EIF3I: variants seen among roughly 807,000 people sequenced by gnomAD.
The protein encoded by EIF3I is eukaryotic translation initiation factor 3 subunit I.
EIF3I carries 20 observed loss-of-function variants against 43.3 expected under a neutral mutation model. That is an observed-to-expected ratio of 0.46 (90% CI 0.32 to 0.67). The LOEUF is 0.67. EIF3I is among the 30% of genes least tolerant of loss of function. The pLI is 0.03. For missense variants in EIF3I, 279 were observed against 421.4 expected, an observed-to-expected ratio of 0.66 and a Z score of 2.96; for synonymous variants, 167 against 151.7, an observed-to-expected ratio of 1.10 and a Z score of -0.74.
chr1:32,229,875 A>G (rs1215971529), intron 9 of EIF3I, among the ~76,000 whole-genome samples: 1 of 152,010 alleles, frequency 6.6e-6, no homozygotes, highest in African/African-American at 2.4e-5. Context: ...CTATGTCTAA[A>G]TTTCCTCTAC....
chr1:32,222,768 A>C, intron 2 of EIF3I, 138 bp downstream of exon 2: 1 of 844,220 alleles, frequency 1.2e-6, no homozygotes. Flanking sequence ...TGCCGGGGGT[A>C]GGTTGGCGAA....
At chr1:32,235,369 T>G (rs758408781), downstream of EIF3I, among the ~76,000 whole-genome samples, 2 of 151,670 alleles carry the variant, frequency 1.3e-5, no homozygotes, top group Non-Finnish European at 2.9e-5. Context: ...TCTTGCTCTG[T>G]CTCCAGGCTG....
chr1:32,229,544 A>C (rs1404991559), intron 9 of EIF3I, among the ~76,000 whole-genome samples: 3 of 137,912 alleles, frequency 2.2e-5, no homozygotes, highest in African/African-American at 2.7e-5. Context: ...CACCGTGCCC[A>C]GCCTTTTTTT....
Position 32,228,625 on chromosome 1 carries a change from G to A in EIF3I, c.639+16G>A, listed in dbSNP as rs369031747. ...CACAGCCAAGGTGAGCCTGGGCAGC[G>A]GTCTGGCAGGGCTGCTCCCTCCCTC... is the stretch of plus-strand genomic sequence containing the variant. On this transcript the variant is annotated intron_variant, in intron 7 of 11. Coordinates refer to ENST00000676679, the Ensembl canonical transcript of EIF3I. The A allele has an allele frequency of 2.0e-5, 33 of 1,611,256 alleles. No individual in the cohort carries two copies. The highest frequency in any genetic ancestry group is 1.1e-4 in the African/African-American group (8 of 74,866).
chr1:32,224,174 G>C (rs1398435901), intron 3 of EIF3I, 53 bp downstream of exon 3: 66 of 1,584,220 alleles, frequency 4.2e-5, no homozygotes, highest in Non-Finnish European at 5.2e-5. Context: ...CAGCGATGGA[G>C]AGGCTGAGTT....
At position 32,229,273 on chromosome 1, in the gene EIF3I, G is replaced by A. The variant is rs1569862612; in HGVS notation, c.803+65G>A. The A allele has an allele frequency of 3.2e-6, 5 of 1,561,794 alleles. No individual in the cohort carries two copies. The African/African-American group carries it at 5.5e-5, about 17-fold the overall frequency. Reference sequence around the variant, plus strand: ...TGGTGTACCTTTTTTGTTTGTTTTTGTTTTTGAGATGGAGTCTCGCTCTGT... The same window carrying A: ...TGGTGTACCTTTTTTGTTTGTTTTTATTTTTGAGATGGAGTCTCGCTCTGT... On this transcript the variant is annotated intron_variant, in intron 9 of 11. Coordinates refer to ENST00000676679, the Ensembl canonical transcript of EIF3I.
At chr1:32,225,655 C>T (rs1002563095) in intron 4 of EIF3I, among the ~76,000 whole-genome samples, 12 of 148,546 alleles carry the variant, frequency 8.1e-5, no homozygotes, top group East Asian at 8.0e-4. Context: ...GCAGAAGAAT[C>T]GCTTGAAAGG....
chr1:32,226,250 C>A, exon 5 of EIF3I: 3 of 1,614,094 alleles, frequency 1.9e-6, no homozygotes, highest in Non-Finnish European at 2.5e-6. Flanking sequence ...TCATCATGTT[C>A]TCCACGGACA....
exon 5 of EIF3I, chr1:32,226,299 C>A (rs1176774264): frequency 6.2e-7 from 1 of 1,614,110 alleles, no homozygotes; most frequent in South Asian, 1.1e-5. Context: ...CTTTTTTGAC[C>A]TGCGGGATCC....
chr1:32,224,556 T>TA, intron 4 of EIF3I, 81 bp downstream of exon 4: 1 of 1,040,986 alleles, frequency 9.6e-7, no homozygotes, highest in African/African-American at 1.6e-5. Flanking sequence ...CCTAGGAAAA[T>TA]AGAGATGAAA....
At chr1:32,232,427 C>T (rs1439935570), downstream of EIF3I, among the ~76,000 whole-genome samples, 1 of 152,156 alleles carries the variant, frequency 6.6e-6, no homozygotes, top group Non-Finnish European at 1.5e-5. Flanking sequence ...TTAGTTTTGC[C>T]TCAATGTCAG....
intron 4 of EIF3I, among the ~76,000 whole-genome samples, chr1:32,224,998 T>C (rs1639120882): frequency 6.6e-6 from 1 of 152,174 alleles, no homozygotes; most frequent in South Asian, 2.1e-4. Flanking sequence ...CACACCTGGC[T>C]AATTTTTGTA....
At chr1:32,223,959 G>T in intron 2 of EIF3I, 75 bp from the exon 3 acceptor site, 2 of 1,362,250 alleles carry the variant, frequency 1.5e-6, no homozygotes, top group Non-Finnish European at 2.1e-6. Context: ...ACAGGCTGCT[G>T]AGGGTTCCTG....
At chr1:32,233,236 C>G (rs1173163537), downstream of EIF3I, among the ~76,000 whole-genome samples, 2 of 152,144 alleles carry the variant, frequency 1.3e-5, no homozygotes, top group South Asian at 4.1e-4. Context: ...CTTACTGCAA[C>G]CTCTGACTCC....
At chr1:32,226,402 GACA>G in exon 6 of EIF3I, 1 of 1,607,622 alleles carries the variant, frequency 6.2e-7, no homozygotes, top group Non-Finnish European at 8.5e-7. Context: ...GCCCCACACA[GACA>G]ACAATGAGCC....
chr1:32,224,202 G>A, intron 3 of EIF3I, 81 bp downstream of exon 3: 2 of 1,450,216 alleles, frequency 1.4e-6, no homozygotes, highest in South Asian at 1.1e-5. Context: ...GGGAGTTGGG[G>A]GTGCTGTTGA....
chr1:32,228,991 G>A (rs1263785143), intron 8 of EIF3I, 144 bp from the exon 9 acceptor site: 2 of 1,066,294 alleles, frequency 1.9e-6, no homozygotes, highest in Non-Finnish European at 2.8e-6. Context: ...GCCAGCAGGA[G>A]GTGGCAGAAG....
chr1:32,234,033 C>CA (rs1342175221), downstream of EIF3I: 1 of 152,090 alleles, frequency 6.6e-6, no homozygotes, highest in Non-Finnish European at 1.5e-5. Context: ...CGGAGTGACT[C>CA]ACGCTTGTAA....
chr1:32,224,202 G>C, intron 3 of EIF3I, 81 bp downstream of exon 3: 1 of 1,450,218 alleles, frequency 6.9e-7, no homozygotes, highest in African/African-American at 1.4e-5. Context: ...GGGAGTTGGG[G>C]GTGCTGTTGA....
Sources: gnomAD v4.1 joint callset for allele counts (sites outside exome capture counted in the v4.1 genomes callset) on GRCh38, gnomAD v4.1.1 for gene constraint, MANE v1.5 for transcripts, NCBI Gene and HGNC (gene_info 2026-07-23, HGNC 2026-07-21) for gene names.